The following ZNF658 variants were observed in gnomAD, a reference collection of about 807,000 sequenced individuals.
ZNF658 encodes zinc finger protein 658.
ZNF658 carries 46 observed loss-of-function variants against 78.0 expected under a neutral mutation model. The observed-to-expected ratio is 0.59, with a 90% CI of 0.47 to 0.75. The LOEUF (loss-of-function observed/expected upper bound fraction) is 0.75. Among genes scored for constraint, ZNF658 ranks in the 30% least tolerant of loss-of-function variants. ZNF658 has a pLI of 0.00. For synonymous variants in ZNF658, 279 were observed against 408.4 expected (o/e 0.68, Z 3.82); for missense variants, 785 against 1,189.3 (o/e 0.66, Z 5.00).
In ZNF658 at chr9:66,908,696, G is replaced by T. The variant is rs140386708; in HGVS notation, c.200G>T (p.Trp67Leu). 81 of 1,606,704 alleles carry T rather than the reference G, an allele frequency of 5.0e-5. No homozygotes were observed. Among genetic ancestry groups the T allele is most frequent in the Admixed American group, 4.8e-4 (28 of 58,032 alleles). ...AAGTTGGAGAAAGGAGAAGAGCCAT[G>T]GTCTTTAGAAGATGAATTCCTGAAC... is the stretch of plus-strand genomic sequence containing the variant. ...ISKLEKGEEP[W>L]SLEDEFLNQR... Residue 67 changes from tryptophan to leucine, a missense_variant, in exon 4 of 5, where the codon TGG becomes TTG. Transcript: ENST00000621410.
At position 66,918,594 on chromosome 9, in the gene ZNF658, A is replaced by C; in HGVS notation, c.1028A>C (p.His343Pro). Residue 343 changes from histidine to proline, a missense_variant, in exon 5 of 5, where the codon CAT becomes CCT. Coordinates refer to ENST00000621410, the MANE Select transcript of ZNF658 (RefSeq NM_033160.7). ...NFSQSSAHIV[H>P]QKTQAGDKFG... is the part of the protein sequence containing the mutation. ...AGCCAGAGCTCAGCCCATATAGTAC[A>C]TCAGAAAACACAAGCTGGAGATAAA... 6.2e-7 allele frequency: 1 copy of C among 1,610,302 alleles called. No homozygotes were observed. The highest frequency in any genetic ancestry group is 8.5e-7 in the Non-Finnish European group (1 of 1,176,926).
intron 2 of ZNF658, among the ~76,000 whole-genome samples, chr9:66,904,322 C>T (rs1385810751): frequency 6.6e-6 from 1 of 152,002 alleles, no homozygotes; most frequent in Non-Finnish European, 1.5e-5. Context: ...TTCCGCAGCA[C>T]TTGCCTCAAT....
chr9:66,929,612 T>C (rs1822620663), intron 6 of ZNF658, among the ~76,000 whole-genome samples: 2 of 151,256 alleles, frequency 1.3e-5, no homozygotes, highest in African/African-American at 4.9e-5. Flanking sequence ...TTCCCCCAGG[T>C]CTTAAGCTAG....
At chr9:66,917,231 G>GT (rs1564173690) in intron 4 of ZNF658, among the ~76,000 whole-genome samples, 2 of 90,112 alleles carry the variant, frequency 2.2e-5, no homozygotes, top group East Asian at 3.0e-4. Context: ...TTGTTGTTTT[G>GT]TTTTTTCTGT....
chr9:66,918,952 C>T lies in ZNF658; in HGVS notation c.1386C>T (p.His462=), dbSNP rs756281967. The change falls in exon 5 of 5, where the codon CAC becomes CAT. Residue 462 remains histidine, a synonymous_variant. Coordinates refer to ENST00000621410, the MANE Select transcript of ZNF658 (RefSeq NM_033160.7). ...ACCTCAGTAAACATCTGAGAATTCA[C>T]ACAAAAGAGAAACCTTGTGATAACA... is the stretch of plus-strand genomic sequence containing the variant. ...NSNLSKHLRI[H]TKEKPCDNNG... is the part of the protein sequence containing the mutation. The T allele has an allele frequency of 4.8e-6, 7 of 1,463,806 alleles. No homozygotes were observed. In the Middle Eastern group the frequency reaches 7.2e-4, roughly 151 times the overall value. 90.7% of individuals were successfully genotyped at this position (1,463,806 alleles called of 1,614,324 possible).
intron 6 of ZNF658, among the ~76,000 whole-genome samples, chr9:66,930,507 T>G (rs1427587468): frequency 6.6e-6 from 1 of 150,402 alleles, no homozygotes; most frequent in Admixed American, 6.6e-5. Flanking sequence ...AGCTCTACAG[T>G]TAAAATTTAA....
chr9:66,903,728 C>T (rs567625646), intron 2 of ZNF658, 152 bp downstream of exon 2: 7 of 749,724 alleles, frequency 9.3e-6, no homozygotes, highest in Non-Finnish European at 1.7e-5. Context: ...AGCAAAGTGG[C>T]ATGTGGATAG....
At chr9:66,921,659 T>G (rs1055726172), downstream of ZNF658, among the ~76,000 whole-genome samples, 1 of 152,132 alleles carries the variant, frequency 6.6e-6, no homozygotes, top group Non-Finnish European at 1.5e-5. Context: ...AAGTTTGTTA[T>G]TGCTAATCGA....
downstream of ZNF658, among the ~76,000 whole-genome samples, chr9:66,921,646 G>A (rs1452063849): frequency 1.3e-5 from 2 of 152,142 alleles, no homozygotes; most frequent in Non-Finnish European, 2.9e-5. Flanking sequence ...AATAAATGTG[G>A]AGAAGTTTGT....
At chr9:66,929,598 A>T (rs1408286021) in intron 6 of ZNF658, among the ~76,000 whole-genome samples, 1 of 151,434 alleles carries the variant, frequency 6.6e-6, no homozygotes, top group Admixed American at 6.6e-5. Context: ...ATTTGAGTCA[A>T]TTTTTCCCCC....
At chr9:66,923,663 T>C (rs1318686941), downstream of ZNF658, among the ~76,000 whole-genome samples, 1 of 149,336 alleles carries the variant, frequency 6.7e-6, no homozygotes, top group South Asian at 2.2e-4. Context: ...GTTTTTATTA[T>C]GCAGATAAAG....
intron 4 of ZNF658, among the ~76,000 whole-genome samples, chr9:66,912,899 T>G (rs1194732210): frequency 1.3e-5 from 2 of 151,420 alleles, no homozygotes; most frequent in South Asian, 4.2e-4. Flanking sequence ...TACAAAAAAA[T>G]TAGCCAATCA....
At chr9:66,921,585 T>G, downstream of ZNF658, 1 of 152,104 alleles carries the variant, frequency 6.6e-6, no homozygotes, top group East Asian at 1.9e-4. Flanking sequence ...AAAAACTCAC[T>G]GTAGAATGTG....
At chr9:66,902,132 G>A (rs1323539478) in intron 1 of ZNF658, among the ~76,000 whole-genome samples, 1 of 150,898 alleles carries the variant, frequency 6.6e-6, no homozygotes, top group Non-Finnish European at 1.5e-5. Flanking sequence ...CACATTTCTA[G>A]TGAATCTCAA....
chr9:66,901,280 C>G (rs1297533595), intron 1 of ZNF658, among the ~76,000 whole-genome samples: 1 of 152,064 alleles, frequency 6.6e-6, no homozygotes, highest in Non-Finnish European at 1.5e-5. Context: ...AAAAAATGGA[C>G]GAAAGTTCAT....
chr9:66,908,370 C>A lies in ZNF658; in HGVS notation c.142+6C>A. 2 of 1,614,028 alleles carry A rather than the reference C, an allele frequency of 1.2e-6. No individual in the cohort carries two copies. The highest frequency in any genetic ancestry group is 1.7e-6 in the Non-Finnish European group (2 of 1,179,982). On this transcript the variant is annotated splice_donor_region_variant and intron_variant, in intron 3 of 4. Coordinates refer to ENST00000621410, the MANE Select transcript of ZNF658 (RefSeq NM_033160.7). The stretch of plus-strand genomic sequence containing the variant: ...CAGCCACCTCATCTCAGTGGGTGAG[C>A]ATAGCTTACCATGGGGCTCTCTCGA...
chr9:66,929,155 T>G (rs1822615614), intron 6 of ZNF658, among the ~76,000 whole-genome samples: 1 of 150,466 alleles, frequency 6.6e-6, no homozygotes, highest in African/African-American at 2.4e-5. Flanking sequence ...TGAGAATAAA[T>G]TTCTCTTTTT....
At chr9:66,911,246 A>C (rs950971241) in intron 4 of ZNF658, among the ~76,000 whole-genome samples, 5 of 108,056 alleles carry the variant, frequency 4.6e-5, no homozygotes, top group African/African-American at 2.0e-4. Flanking sequence ...TAAAGAGAAA[A>C]CCTCAATAAA....
Position 66,918,575 on chromosome 9 carries a change from A to G in ZNF658, c.1009A>G (p.Ser337Gly). ...SNKCEENFSQ[S>G]SAHIVHQKTQ... ...TAAATGTGAAGAAAATTTTAGCCAG[A>G]GCTCAGCCCATATAGTACATCAGAA... The change falls in exon 5 of 5, where the codon AGC (serine) becomes GGC (glycine). Residue 337 changes from serine to glycine, a missense_variant. Physicochemically the swap from Ser to Gly is moderately conservative, Grantham distance 56 (BLOSUM62 0). Around this residue, in one of 12 missense-constraint regions of ZNF658, gnomAD observed 393 missense variants for 400.2 expected, o/e 0.98. Transcript: ENST00000621410. 1 of 1,608,156 alleles carries G rather than the reference A, an allele frequency of 6.2e-7. No homozygotes were observed.
Sources: gnomAD v4.1 joint callset for allele counts (sites outside exome capture counted in the v4.1 genomes callset) on GRCh38, gnomAD v4.1.1 for gene constraint, gnomAD v4.1.1 regional missense constraint, MANE v1.5 for transcripts, NCBI Gene and HGNC (gene_info 2026-07-23, HGNC 2026-07-21) for gene names.